INSC: variants seen among roughly 807,000 people sequenced by gnomAD.
INSC encodes the protein INSC spindle orientation adaptor protein, also known as protein inscuteable homolog.
In INSC, 67 loss-of-function variants were observed where a neutral mutation model predicts 58.6. The ratio of observed to expected loss-of-function variants is 1.14; its 90% CI spans 0.94 to 1.40. INSC has a LOEUF of 1.40. INSC is among the 40% of genes most tolerant of loss of function. INSC has a pLI of 0.00. For synonymous variants in INSC, 262 were observed against 276.1 expected (o/e 0.95, Z 0.51); for missense variants, 714 against 692.0 (o/e 1.03, Z -0.36).
At chr11:15,257,064 G>C in the INSC span, among the ~76,000 whole-genome samples, 8 of 152,090 alleles carry the variant, frequency 5.3e-5, no homozygotes, top group Non-Finnish European at 7.4e-5. Context: ...CATTTAAGTG[G>C]CTCTCCTCTT....
chr11:15,153,495 A>G (rs1209374901), intron 2 of INSC, among the ~76,000 whole-genome samples: 1 of 152,172 alleles, frequency 6.6e-6, no homozygotes, highest in African/African-American at 2.4e-5. Flanking sequence ...GACATTTTCT[A>G]TGCTTGTGGT....
chr11:15,226,904 AGCTG>A (rs1201068132), intron 9 of INSC, among the ~76,000 whole-genome samples: 1 of 152,202 alleles, frequency 6.6e-6, no homozygotes, highest in Non-Finnish European at 1.5e-5. Context: ...TCTAGCCTAG[AGCTG>A]GTGCCCTTGG....
chr11:15,208,760 G>A (rs1179242191), intron 7 of INSC, among the ~76,000 whole-genome samples: 1 of 152,212 alleles, frequency 6.6e-6, no homozygotes, highest in Non-Finnish European at 1.5e-5. Flanking sequence ...GCAGGAGCAG[G>A]CTCCATCCGC....
intron 10 of INSC, 76 bp downstream of exon 10, chr11:15,235,744 T>A: frequency 1.6e-6 from 2 of 1,240,038 alleles, no homozygotes; most frequent in Non-Finnish European, 2.4e-6. Flanking sequence ...CTTGTGTGAA[T>A]GCCTGTGCAG....
At chr11:15,232,907 A>G (rs1390310038) in intron 9 of INSC, among the ~76,000 whole-genome samples, 2 of 152,212 alleles carry the variant, frequency 1.3e-5, no homozygotes, top group Non-Finnish European at 2.9e-5. Context: ...ATAAATGAAG[A>G]TCTGTCAACA....
upstream of INSC, among the ~76,000 whole-genome samples, chr11:15,114,036 A>G (rs1847633969): frequency 6.6e-6 from 1 of 151,652 alleles, no homozygotes; most frequent in Non-Finnish European, 1.5e-5. Flanking sequence ...GGCTCAAGGG[A>G]GACCAGGGGC....
intron 6 of INSC, among the ~76,000 whole-genome samples, chr11:15,199,143 GAA>G (rs1850481453): frequency 6.6e-6 from 1 of 152,198 alleles, no homozygotes; most frequent in Non-Finnish European, 1.5e-5. Context: ...GGACGGGACT[GAA>G]GCAGTCTTGC....
chr11:15,237,852 G>A (rs1183419012), intron 10 of INSC, among the ~76,000 whole-genome samples: 34 of 152,140 alleles, frequency 2.2e-4, no homozygotes, highest in Admixed American at 2.2e-3. Context: ...AATTCAGGAG[G>A]CAGTTTCAGA....
At chr11:15,227,953 C>CT (rs1851706219) in intron 9 of INSC, among the ~76,000 whole-genome samples, 1 of 152,280 alleles carries the variant, frequency 6.6e-6, no homozygotes, top group Non-Finnish European at 1.5e-5. Flanking sequence ...GAGTTTGAGG[C>CT]TTTTTTGCTA....
At chr11:15,238,789 C>G (rs953153591) in intron 10 of INSC, 130 bp from the exon 11 acceptor site, 39 of 840,196 alleles carry the variant, frequency 4.6e-5, no homozygotes, top group Non-Finnish European at 6.8e-5. Context: ...CCAGCTTCCT[C>G]CCTGTGGGTG....
chr11:15,159,998 G>T (rs147227404), intron 2 of INSC, among the ~76,000 whole-genome samples: 234 of 152,340 alleles, frequency 1.5e-3, no homozygotes, highest in African/African-American at 4.9e-3. Flanking sequence ...TACACCAGCT[G>T]CATCATTGGT....
chr11:15,200,967 G>C lies in INSC; in HGVS notation c.819+18G>C. On this transcript the variant is annotated intron_variant, in intron 7 of 12. Coordinates refer to ENST00000379556, the MANE Select transcript of INSC (RefSeq NM_001042536.3). ...TGGAGAAGGTAAGGACAGCTGGCTG[G>C]GTGGTGCCTGAGGTCCTCAAGCCAG... 6.3e-7 allele frequency: 1 copy of C among 1,582,296 alleles called. No individual in the cohort carries two copies. The highest frequency in any genetic ancestry group is 8.6e-7 in the Non-Finnish European group (1 of 1,164,596).
At chr11:15,230,225 G>A (rs1444149900) in intron 9 of INSC, among the ~76,000 whole-genome samples, 2 of 150,456 alleles carry the variant, frequency 1.3e-5, no homozygotes, top group Non-Finnish European at 3.0e-5. Flanking sequence ...CTAAGACTGG[G>A]TAATTTGTAA....
At chr11:15,221,408 T>C in intron 7 of INSC, 69 bp from the exon 8 acceptor site, 1 of 1,514,890 alleles carries the variant, frequency 6.6e-7, no homozygotes, top group Non-Finnish European at 8.9e-7. Flanking sequence ...TCTGTATCTG[T>C]CTCATTAATG....
chr11:15,149,680 GAGA>G (rs1848588825), intron 2 of INSC, among the ~76,000 whole-genome samples: 1 of 152,146 alleles, frequency 6.6e-6, no homozygotes, highest in Admixed American at 6.5e-5. Context: ...GGCACATACT[GAGA>G]AGAAGGGGAA....
chr11:15,114,845 G>C, upstream of INSC: 4 of 767,086 alleles, frequency 5.2e-6, no homozygotes, highest in Non-Finnish European at 6.3e-6. Flanking sequence ...GCCTCGGAGA[G>C]GGCGGGCGGG....
chr11:15,207,562 G>A (rs1396468668), intron 7 of INSC, among the ~76,000 whole-genome samples: 2 of 152,180 alleles, frequency 1.3e-5, no homozygotes, highest in Middle Eastern at 3.4e-3. Context: ...GAGGTGCTGG[G>A]CTGGAAGAGA....
intron 12 of INSC, among the ~76,000 whole-genome samples, chr11:15,244,644 A>G (rs1181941059): frequency 6.6e-6 from 1 of 152,082 alleles, no homozygotes; most frequent in Non-Finnish European, 1.5e-5. Flanking sequence ...TCCCCCTCTG[A>G]GCCCTAGTTT....
intron 9 of INSC, 67 bp downstream of exon 9, chr11:15,225,895 A>G: frequency 1.3e-6 from 2 of 1,497,780 alleles, no homozygotes; most frequent in Non-Finnish European, 1.8e-6. Context: ...GGAGGCCAGC[A>G]CGTAGTTTCT....
Sources: gnomAD v4.1 joint callset for allele counts (sites outside exome capture counted in the v4.1 genomes callset) on GRCh38, gnomAD v4.1.1 for gene constraint, MANE v1.5 for transcripts, NCBI Gene and HGNC (gene_info 2026-07-23, HGNC 2026-07-21) for gene names.